EDA: variants seen among roughly 807,000 people sequenced by gnomAD.
The protein encoded by EDA is ectodysplasin A, also known as ectodysplasin-A.
In EDA, 2 loss-of-function variants were observed where a neutral mutation model predicts 23.6. That is an observed-to-expected ratio of 0.08 (90% CI 0.03 to 0.27). The LOEUF (loss-of-function observed/expected upper bound fraction) is 0.27, where lower values mean the gene tolerates loss of function less well. EDA is among the 10% of genes least tolerant of loss of function. The pLI, the probability that EDA is intolerant of heterozygous loss-of-function variation, is 1.00. For synonymous variants in EDA, 131 were observed against 132.0 expected (o/e 0.99, Z 0.05); for missense variants, 229 against 324.2 (o/e 0.71, Z 2.26).
At chrX:69,807,714 A>G (rs2147497016) in intron 1 of EDA, among the ~76,000 whole-genome samples, 1 of 110,142 alleles carries the variant, frequency 9.1e-6, no homozygotes, top group South Asian at 3.9e-4. Flanking sequence ...TTAATAAATT[A>G]GGAAACAGGC....
chrX:69,645,488 T>C (rs1932900675), intron 1 of EDA, among the ~76,000 whole-genome samples: 1 of 101,520 alleles, frequency 9.9e-6, no homozygotes, highest in South Asian at 4.8e-4. Flanking sequence ...TCAAGGTTTT[T>C]TCATGTCTCT....
chrX:69,702,404 C>A (rs981380463), intron 1 of EDA, among the ~76,000 whole-genome samples: 2 of 110,290 alleles, frequency 1.8e-5, no homozygotes, highest in African/African-American at 3.3e-5. Context: ...AGAATGGGTA[C>A]AGACAATACT....
Position 69,888,978 on chromosome X carries a change from T to TAGATAGATAGATATATATATATA in EDA, c.397-68049_397-68048insAGATAGATAGATATATATATATA, listed in dbSNP as rs1556026049. On this transcript the variant is annotated intron_variant, in intron 1 of 7. Coordinates refer to ENST00000374552, the MANE Select transcript of EDA (RefSeq NM_001399.5). ...GTGGAATTGTTGTATTGTGGGGTAG[T>TAGATAGATAGATATATATATATA]TATATATATATATATATATATATAT... Among the ~76,000 whole-genome samples, 7 of 16,013 alleles carry TAGATAGATAGATATATATATATA rather than the reference T, an allele frequency of 4.4e-4. No individual in the cohort carries two copies. The East Asian group carries it at 0.013, about 30-fold the overall frequency. The allele number at this position is 16,013 out of a possible 115,157, so 13.9% of individuals were successfully genotyped here.
At chrX:69,653,712 T>C (rs1293472148) in intron 1 of EDA, among the ~76,000 whole-genome samples, 1 of 111,560 alleles carries the variant, frequency 9.0e-6, no homozygotes, top group Non-Finnish European at 1.9e-5. Flanking sequence ...GGATTCCCTA[T>C]TTAATAAATG....
At chrX:69,733,823 T>A (rs1397584351) in intron 1 of EDA, among the ~76,000 whole-genome samples, 2 of 111,498 alleles carry the variant, frequency 1.8e-5, no homozygotes, top group Non-Finnish European at 3.8e-5. Context: ...TTCACATCCC[T>A]TGTAAGTTGG....
At chrX:69,687,143 T>C (rs1176579956) in intron 1 of EDA, among the ~76,000 whole-genome samples, 1 of 112,080 alleles carries the variant, frequency 8.9e-6, no homozygotes, top group East Asian at 2.8e-4. Context: ...ATATTTCAGT[T>C]GTGGTTTTGA....
chrX:69,637,866 A>G (rs1341464572), intron 1 of EDA, among the ~76,000 whole-genome samples: 1 of 110,734 alleles, frequency 9.0e-6, no homozygotes, highest in Non-Finnish European at 1.9e-5. Context: ...TAAAGAGACA[A>G]TGAGCAAGCA....
At chrX:69,636,026 C>T (rs372505217) in intron 1 of EDA, among the ~76,000 whole-genome samples, 1 of 110,524 alleles carries the variant, frequency 9.0e-6, no homozygotes, top group South Asian at 3.9e-4. Flanking sequence ...TATGCTTACT[C>T]CTGTCACTGC....
At chrX:69,942,826 G>T (rs1289046071) in intron 1 of EDA, among the ~76,000 whole-genome samples, 2 of 110,740 alleles carry the variant, frequency 1.8e-5, no homozygotes, top group Non-Finnish European at 3.8e-5. Flanking sequence ...AATAACTCTT[G>T]TATTTGCCCT....
At chrX:69,785,868 G>T (rs1043284750) in intron 1 of EDA, among the ~76,000 whole-genome samples, 1 of 108,888 alleles carries the variant, frequency 9.2e-6, no homozygotes, top group Admixed American at 9.8e-5. Context: ...AGAAGGAATG[G>T]TACCAGTTCC....
chrX:69,832,992 C>T (rs1443036852), intron 1 of EDA, among the ~76,000 whole-genome samples: 3 of 111,536 alleles, frequency 2.7e-5, no homozygotes, highest in Non-Finnish European at 3.8e-5. Context: ...CAAACAGGGA[C>T]AATTTGACTT....
intron 1 of EDA, chrX:69,617,856 A>T (rs958721242): frequency 3.6e-6 from 1 of 278,134 alleles, no homozygotes; most frequent in Admixed American, 4.3e-5. Context: ...TTGACCTCCC[A>T]TCTAAAGTGG....
At chrX:69,617,583 T>C (rs747800576) in intron 1 of EDA, 2 of 235,672 alleles carry the variant, frequency 8.5e-6, no homozygotes, top group Admixed American at 1.2e-4. Context: ...GTGTTTGTTT[T>C]CTATTCTATT....
chrX:69,682,696 C>T (rs986604915), intron 1 of EDA, among the ~76,000 whole-genome samples: 1 of 111,372 alleles, frequency 9.0e-6, no homozygotes, highest in African/African-American at 3.3e-5. Context: ...ACGGTTCACG[C>T]ACCCACTGAC....
intron 2 of EDA, among the ~76,000 whole-genome samples, chrX:69,962,847 C>T (rs1028198173): frequency 4.5e-5 from 5 of 111,937 alleles, no homozygotes; most frequent in Non-Finnish European, 9.4e-5. Context: ...TTATGGACAA[C>T]AATTATAATT....
At chrX:69,959,352 G>A (rs1299776972) in intron 2 of EDA, among the ~76,000 whole-genome samples, 5 of 111,365 alleles carry the variant, frequency 4.5e-5, no homozygotes, top group African/African-American at 1.6e-4. Flanking sequence ...GGGGGTCCTT[G>A]AATTTTATTA....
At chrX:70,005,215 T>C (rs2019787750) in intron 2 of EDA, among the ~76,000 whole-genome samples, 1 of 112,320 alleles carries the variant, frequency 8.9e-6, no homozygotes, top group African/African-American at 3.2e-5. Flanking sequence ...ATTTAGGCCA[T>C]AAAATAACTA....
rs1390350414 is a variant in EDA at position 69,847,016 on chromosome X, T to C, written c.397-110011T>C. On this transcript the variant is annotated intron_variant, in intron 1 of 7. Transcript: ENST00000374552. ...CTAAAGTAGCTTATTCAGATGCTGA[T>C]GTAAAGGATTGGGTACTTTTTGACC... 3.6e-5 allele frequency among the ~76,000 whole-genome samples: 4 copies of C among 111,821 alleles called. No individual in the cohort carries two copies. The Admixed American group carries it at 3.8e-4, about 11-fold the overall frequency.
chrX:69,931,031 T>C (rs1244012871), intron 1 of EDA, among the ~76,000 whole-genome samples: 1 of 111,449 alleles, frequency 9.0e-6, no homozygotes, highest in Non-Finnish European at 1.9e-5. Flanking sequence ...AAAATTTATG[T>C]GGAAAGTCTG....
Sources: gnomAD v4.1 joint callset for allele counts (sites outside exome capture counted in the v4.1 genomes callset) on GRCh38, gnomAD v4.1.1 for gene constraint, MANE v1.5 for transcripts, NCBI Gene and HGNC (gene_info 2026-07-23, HGNC 2026-07-21) for gene names.